The following RAB43 variants were observed in gnomAD, a reference collection of about 807,000 sequenced individuals.
RAB43 encodes the protein RAB43, member RAS oncogene family.
Under a neutral mutation model 18.8 loss-of-function variants are expected in RAB43, and 6 were observed. The observed-to-expected ratio is 0.32, with a 90% confidence interval of 0.17 to 0.63. The LOEUF (loss-of-function observed/expected upper bound fraction) is 0.63. Among genes scored for constraint, RAB43 ranks in the 30% least tolerant of loss-of-function variants. The pLI, the probability that RAB43 is intolerant of heterozygous loss-of-function variation, is 0.79. For synonymous variants in RAB43, 103 were observed against 124.1 expected, an observed-to-expected ratio of 0.83 and a Z score of 1.13; for missense variants, 195 against 289.1, an observed-to-expected ratio of 0.67 and a Z score of 2.36.
intron 1 of RAB43, among the ~76,000 whole-genome samples, chr3:129,104,711 G>C (rs1266733141): frequency 6.6e-6 from 1 of 152,222 alleles, no homozygotes; most frequent in African/African-American, 2.4e-5. Context: ...TGTTGGGTGA[G>C]GGATAAGGCT....
intron 1 of RAB43, among the ~76,000 whole-genome samples, chr3:129,105,259 C>A (rs780962446): frequency 6.6e-6 from 1 of 152,218 alleles, no homozygotes; most frequent in Non-Finnish European, 1.5e-5. Context: ...TCAAGACCAG[C>A]CTGGCCAACG....
chr3:129,110,798 T>C (rs752931912), intron 1 of RAB43, among the ~76,000 whole-genome samples: 1 of 151,600 alleles, frequency 6.6e-6, no homozygotes, highest in Non-Finnish European at 1.5e-5. Flanking sequence ...ACTCTTTGAG[T>C]ATATTAAAAA....
chr3:129,097,602 C>T (rs754081476), intron 1 of RAB43, among the ~76,000 whole-genome samples: 3 of 152,078 alleles, frequency 2.0e-5, no homozygotes, highest in Non-Finnish European at 4.4e-5. Context: ...GAGAGTTCAA[C>T]TGAAAAGGGA....
intron 1 of RAB43, among the ~76,000 whole-genome samples, chr3:129,115,570 A>G (rs1010173458): frequency 6.6e-6 from 1 of 152,156 alleles, no homozygotes; most frequent in Admixed American, 6.6e-5. Flanking sequence ...CTGTAATCAC[A>G]GCACTTTGGG....
intron 1 of RAB43, among the ~76,000 whole-genome samples, chr3:129,105,255 C>A (rs868026374): frequency 5.3e-5 from 8 of 152,212 alleles, no homozygotes; most frequent in African/African-American, 1.9e-4. Context: ...CAGTTCAAGA[C>A]CAGCCTGGCC....
intron 1 of RAB43, among the ~76,000 whole-genome samples, chr3:129,110,100 A>G (rs1187313609): frequency 6.6e-6 from 1 of 152,144 alleles, no homozygotes; most frequent in Non-Finnish European, 1.5e-5. Flanking sequence ...CCTGGGCTGT[A>G]GCAATCCGCC....
chr3:129,091,441 T>C lies in RAB43; in HGVS notation c.389-95A>G, dbSNP rs995172890. 18 of 1,431,140 alleles carry C rather than the reference T, an allele frequency of 1.3e-5. No individual in the cohort carries two copies. In the Admixed American group the frequency reaches 4.1e-4, roughly 32 times the overall value. The allele number at this position is 1,431,140 out of a possible 1,614,324, so 88.7% of individuals were successfully genotyped here. On this transcript the variant is annotated intron_variant, in intron 2 of 2. Transcript: ENST00000315150. ...ACGCTGACAGCCCCATGCCACTCCC[T>C]TCCACCACTATAAATGGACACCCCT...
chr3:129,099,046 C>A (rs1399891724), intron 1 of RAB43, among the ~76,000 whole-genome samples: 1 of 151,994 alleles, frequency 6.6e-6, no homozygotes, highest in Non-Finnish European at 1.5e-5. Context: ...GCACTCCAGC[C>A]TGGACAACAG....
chr3:129,104,832 T>G (rs750092512), intron 1 of RAB43, among the ~76,000 whole-genome samples: 1 of 152,240 alleles, frequency 6.6e-6, no homozygotes, highest in Non-Finnish European at 1.5e-5. Flanking sequence ...TGGGATAAAC[T>G]GCATTCATCT....
rs1933813532 is a variant in RAB43, at chr3:129,093,408, G to A, written c.388+1578C>T. On this transcript the variant is annotated intron_variant, in intron 2 of 2. Coordinates refer to ENST00000315150, the MANE Select transcript of RAB43 (RefSeq NM_198490.3). Reference sequence around the variant, plus strand: ...GGGTGGATCACGAGGTCAGGAGATCGAGACCATCCTGGCCAACATGGTGAA... The same window carrying A: ...GGGTGGATCACGAGGTCAGGAGATCAAGACCATCCTGGCCAACATGGTGAA... Among the ~76,000 whole-genome samples, 3 of 152,090 alleles carry A rather than the reference G, an allele frequency of 2.0e-5. 1 individual carries two copies. In the South Asian group the frequency reaches 6.2e-4, roughly 32 times the overall value.
chr3:129,110,795 G>C (rs1177807221), intron 1 of RAB43, among the ~76,000 whole-genome samples: 1 of 151,480 alleles, frequency 6.6e-6, no homozygotes, highest in Non-Finnish European at 1.5e-5. Context: ...ACAACTCTTT[G>C]AGTATATTAA....
At chr3:129,117,622 G>A (rs1935634068) in intron 1 of RAB43, among the ~76,000 whole-genome samples, 1 of 152,166 alleles carries the variant, frequency 6.6e-6, no homozygotes, top group South Asian at 2.1e-4. Context: ...CTCTTTAACT[G>A]TCAACCCCAA....
intron 1 of RAB43, among the ~76,000 whole-genome samples, chr3:129,114,244 C>T (rs1935349880): frequency 6.6e-6 from 1 of 152,106 alleles, no homozygotes; most frequent in Non-Finnish European, 1.5e-5. Flanking sequence ...CATGACACTG[C>T]TAATCAATGT....
intron 1 of RAB43, among the ~76,000 whole-genome samples, chr3:129,096,803 A>C (rs909611425): frequency 2.0e-5 from 3 of 152,172 alleles, no homozygotes; most frequent in African/African-American, 7.2e-5. Context: ...AATACAAAGA[A>C]ATGGAAAAGA....
chr3:129,103,569 CTT>C (rs772491871), intron 1 of RAB43, among the ~76,000 whole-genome samples: 33 of 142,602 alleles, frequency 2.3e-4, no homozygotes, highest in Non-Finnish European at 3.1e-4. Flanking sequence ...CCCATCTATG[CTT>C]TTTTTTTTTT....
chr3:129,119,951 G>A (rs1935802216), intron 1 of RAB43, among the ~76,000 whole-genome samples: 2 of 151,968 alleles, frequency 1.3e-5, no homozygotes, highest in Non-Finnish European at 2.9e-5. Context: ...ACTCAATAAC[G>A]GACACTCCAC....
intron 1 of RAB43, among the ~76,000 whole-genome samples, chr3:129,114,535 G>A (rs186327896): frequency 1.6e-4 from 24 of 152,308 alleles, no homozygotes; most frequent in African/African-American, 5.5e-4. Flanking sequence ...TAAAACGCAT[G>A]CACATTTGAG....
intron 1 of RAB43, among the ~76,000 whole-genome samples, chr3:129,116,422 A>C (rs1006517491): frequency 4.6e-5 from 7 of 152,370 alleles, no homozygotes; most frequent in African/African-American, 1.7e-4. Context: ...CTTATCTAAC[A>C]GTCCTTTTGC....
chr3:129,099,959 A>G (rs1418597479), intron 1 of RAB43, among the ~76,000 whole-genome samples: 8 of 152,174 alleles, frequency 5.3e-5, no homozygotes, highest in Admixed American at 5.2e-4. Flanking sequence ...AAGAATACTC[A>G]AAGAACTAAT....
Sources: allele counts gnomAD v4.1 joint callset (sites outside exome capture counted in the v4.1 genomes callset), GRCh38; gene constraint gnomAD v4.1.1; transcripts MANE v1.5; gene names NCBI Gene and HGNC (gene_info 2026-07-23, HGNC 2026-07-21).